Variants in SORCS2 observed in about 807,000 individuals in gnomAD.
The protein encoded by SORCS2 is VPS10 domain-containing receptor SorCS2.
A neutral mutation model predicts 141.6 loss-of-function variants in SORCS2; 100 were observed. That is an observed-to-expected ratio of 0.71 (90% confidence interval 0.60 to 0.83). The LOEUF (loss-of-function observed/expected upper bound fraction) is 0.83, where lower values mean the gene tolerates loss of function less well. Among genes scored for constraint, SORCS2 ranks in the 40% least tolerant of loss-of-function variants. The pLI is 0.00. For synonymous variants in SORCS2, 789 were observed against 676.9 expected (o/e 1.17, Z -2.57); for missense variants, 1,646 against 1,560.2 (o/e 1.05, Z -0.93).
At chr4:7,705,140 C>T (rs1366402244) in intron 14 of SORCS2, among the ~76,000 whole-genome samples, 2 of 152,152 alleles carry the variant, frequency 1.3e-5, no homozygotes, top group Non-Finnish European at 2.9e-5. Flanking sequence ...TGTGTCCTTA[C>T]AAGAGGACAC....
chr4:7,279,669 T>A (rs1319718093), intron 1 of SORCS2, among the ~76,000 whole-genome samples: 1 of 152,174 alleles, frequency 6.6e-6, no homozygotes, highest in Non-Finnish European at 1.5e-5. Flanking sequence ...AGTACGAGAT[T>A]GAGTGTCCAG....
intron 2 of SORCS2, among the ~76,000 whole-genome samples, chr4:7,440,257 G>C (rs535635956): frequency 2.4e-4 from 37 of 152,330 alleles, no homozygotes; most frequent in African/African-American, 8.7e-4. Context: ...TCTGGGACCG[G>C]GGAGGAGGGA....
chr4:7,579,010 T>G (rs1369750290), intron 3 of SORCS2, among the ~76,000 whole-genome samples: 1 of 152,162 alleles, frequency 6.6e-6, no homozygotes, highest in Non-Finnish European at 1.5e-5. Context: ...TCTCACAGAC[T>G]GGGATGTGTG....
chr4:7,250,281 G>C (rs889511742), intron 1 of SORCS2, among the ~76,000 whole-genome samples: 1 of 143,632 alleles, frequency 7.0e-6, no homozygotes, highest in African/African-American at 2.6e-5. Context: ...GAAGGTGAAG[G>C]CCTGCTTCCA....
At chr4:7,578,502 C>G (rs1715920750) in intron 3 of SORCS2, among the ~76,000 whole-genome samples, 1 of 152,224 alleles carries the variant, frequency 6.6e-6, no homozygotes, top group South Asian at 2.1e-4. Flanking sequence ...TTATCCATCA[C>G]AATTACTTCC....
intron 3 of SORCS2, among the ~76,000 whole-genome samples, chr4:7,613,748 A>G (rs1239082508): frequency 6.6e-6 from 1 of 152,102 alleles, no homozygotes; most frequent in Admixed American, 6.5e-5. Flanking sequence ...CCTAAGCCCT[A>G]CCATCCTTAC....
intron 2 of SORCS2, among the ~76,000 whole-genome samples, chr4:7,528,004 C>G (rs1055606821): frequency 2.0e-5 from 3 of 152,080 alleles, no homozygotes; most frequent in Non-Finnish European, 4.4e-5. Flanking sequence ...GCTGCAGTGT[C>G]TGTCTCCTTG....
intron 3 of SORCS2, among the ~76,000 whole-genome samples, chr4:7,560,742 G>C (rs966662779): frequency 1.3e-5 from 2 of 152,148 alleles, no homozygotes; most frequent in African/African-American, 2.4e-5. Context: ...CTGCTGGAGA[G>C]GGGAGGGGAG....
At chr4:7,314,365 A>G (rs1718416473) in intron 1 of SORCS2, among the ~76,000 whole-genome samples, 1 of 136,742 alleles carries the variant, frequency 7.3e-6, no homozygotes, top group African/African-American at 2.7e-5. Context: ...TTTGAGACGG[A>G]GTCTTGCTCA....
At chr4:7,614,428 ACCATCCATTCACCCATAAT>A (rs1335003847) in intron 3 of SORCS2, among the ~76,000 whole-genome samples, 55 of 149,608 alleles carry the variant, frequency 3.7e-4, no homozygotes, top group African/African-American at 1.2e-3. Flanking sequence ...CCACCTATTT[ACCATCCATTCACCCATAAT>A]CCATCCATTC....
chr4:7,307,140 A>T (rs559994266), intron 1 of SORCS2, among the ~76,000 whole-genome samples: 2 of 152,112 alleles, frequency 1.3e-5, no homozygotes, highest in African/African-American at 4.8e-5. Context: ...GTGCTGGACA[A>T]CCCTGAAGGC....
chr4:7,375,485 G>T (rs1245576768), intron 1 of SORCS2, among the ~76,000 whole-genome samples: 3 of 152,180 alleles, frequency 2.0e-5, no homozygotes, highest in African/African-American at 7.2e-5. Flanking sequence ...GCAAGATCTG[G>T]TATGGCTGGG....
At chr4:7,578,219 C>A (rs1715896434) in intron 3 of SORCS2, among the ~76,000 whole-genome samples, 1 of 152,224 alleles carries the variant, frequency 6.6e-6, no homozygotes, top group South Asian at 2.1e-4. Flanking sequence ...TCTATTTCCA[C>A]CATGAGTTGA....
At chr4:7,267,179 G>T (rs181040835) in intron 1 of SORCS2, among the ~76,000 whole-genome samples, 7,910 of 152,264 alleles carry the variant, frequency 0.052, 697 homozygotes, top group African/African-American at 0.18. Context: ...AGACAAGAGT[G>T]ATGATTAGAG....
intron 1 of SORCS2, among the ~76,000 whole-genome samples, chr4:7,310,266 C>T (rs760968355): frequency 5.3e-5 from 8 of 152,138 alleles, no homozygotes; most frequent in Non-Finnish European, 1.0e-4. Flanking sequence ...CTATCATCAC[C>T]CCCATTTTAG....
chr4:7,727,427 A>ACC (rs33979747), intron 21 of SORCS2, among the ~76,000 whole-genome samples: 25 of 148,020 alleles, frequency 1.7e-4, no homozygotes, highest in African/African-American at 4.4e-4. Context: ...ACTGAAGGAG[A>ACC]CCCCCCCCCC....
chr4:7,693,061 C>T (rs766583383), intron 11 of SORCS2, among the ~76,000 whole-genome samples: 11 of 152,086 alleles, frequency 7.2e-5, no homozygotes, highest in Non-Finnish European at 1.3e-4. Context: ...CAGCCCTGGC[C>T]GAGGGTGCCG....
At chr4:7,724,760 T>TA (rs1727023634) in intron 19 of SORCS2, among the ~76,000 whole-genome samples, 2 of 10,372 alleles carry the variant, frequency 1.9e-4, no homozygotes, top group African/African-American at 1.2e-3. Flanking sequence ...GGTGGTGGTG[T>TA]TGGTGATGAT....
At chr4:7,364,964 G>T (rs1316715376) in intron 1 of SORCS2, among the ~76,000 whole-genome samples, 1 of 152,218 alleles carries the variant, frequency 6.6e-6, no homozygotes, top group Non-Finnish European at 1.5e-5. Context: ...ATAACCCTTT[G>T]TGTCTCCAGG....
Sources: gnomAD v4.1 joint callset for allele counts (sites outside exome capture counted in the v4.1 genomes callset) on GRCh38, gnomAD v4.1.1 for gene constraint, MANE v1.5 for transcripts, NCBI Gene and HGNC (gene_info 2026-07-23, HGNC 2026-07-21) for gene names.